L3MBTL4: variants seen among roughly 807,000 people sequenced by gnomAD.
The protein encoded by L3MBTL4 is L3MBTL histone methyl-lysine binding protein 4, also known as lethal(3)malignant brain tumor-like protein 4.
L3MBTL4 carries 70 observed loss-of-function variants against 84.5 expected under a neutral mutation model. That is an observed-to-expected ratio of 0.83 (90% CI 0.68 to 1.01). The LOEUF (loss-of-function observed/expected upper bound fraction) is 1.01, where lower values mean the gene tolerates loss of function less well. L3MBTL4 is among the 50% of genes least tolerant of loss of function. The pLI, the probability that L3MBTL4 is intolerant of heterozygous loss-of-function variation, is 0.00. For synonymous variants in L3MBTL4, 274 were observed against 259.8 expected, an observed-to-expected ratio of 1.05 and a Z score of -0.52; for missense variants, 715 against 754.8, an observed-to-expected ratio of 0.95 and a Z score of 0.62.
chr18:6,161,673 CT>C (rs2043343778), intron 13 of L3MBTL4, among the ~76,000 whole-genome samples: 1 of 152,182 alleles, frequency 6.6e-6, no homozygotes, highest in South Asian at 2.1e-4. Context: ...ATTTTCACCT[CT>C]AGAGAGGCTG....
intron 16 of L3MBTL4, among the ~76,000 whole-genome samples, chr18:5,986,008 T>G (rs2053447723): frequency 6.6e-6 from 1 of 152,146 alleles, no homozygotes; most frequent in South Asian, 2.1e-4. Context: ...TGAGCAAGAA[T>G]GCAGTCTTGG....
At chr18:6,150,097 A>T (rs527606748) in intron 13 of L3MBTL4, among the ~76,000 whole-genome samples, 1 of 152,324 alleles carries the variant, frequency 6.6e-6, no homozygotes, top group South Asian at 2.1e-4. Context: ...CTAAAAGAGA[A>T]ATTTAGTACA....
rs116502962 is a variant in L3MBTL4 at position 6,342,184 on chromosome 18, T to A, written c.-90-30128A>T. Reference sequence around the variant, plus strand: ...CACTAATTAGCAATGTGAAAACATATGAAAGTATAAACCTCACTGGTAAAG... The same window carrying A: ...CACTAATTAGCAATGTGAAAACATAAGAAAGTATAAACCTCACTGGTAAAG... On this transcript the variant is annotated intron_variant, in intron 1 of 18. Coordinates refer to ENST00000317931, the MANE Select transcript of L3MBTL4 (RefSeq NM_001330559.2). Among the ~76,000 whole-genome samples, 793 of 152,264 alleles carry A rather than the reference T, an allele frequency of 5.2e-3. 11 individuals carry two copies. The highest frequency in any genetic ancestry group is 0.018 in the African/African-American group (766 of 41,564).
chr18:6,106,942 GA>G (rs2059028264), intron 14 of L3MBTL4, among the ~76,000 whole-genome samples: 1 of 152,118 alleles, frequency 6.6e-6, no homozygotes. Context: ...TTGACCTGGG[GA>G]CTACAAAAAA....
chr18:6,296,179 T>A (rs2050103081), intron 4 of L3MBTL4, among the ~76,000 whole-genome samples: 1 of 152,204 alleles, frequency 6.6e-6, no homozygotes, highest in Non-Finnish European at 1.5e-5. Flanking sequence ...AGGATACTAT[T>A]CAAGGAGTCA....
chr18:5,962,937 G>A (rs1441889828), intron 17 of L3MBTL4, among the ~76,000 whole-genome samples: 1 of 152,238 alleles, frequency 6.6e-6, no homozygotes, highest in Non-Finnish European at 1.5e-5. Context: ...GTGCCAGTAG[G>A]AAAGTCCCCT....
chr18:6,209,445 C>CAAAAAAAAAAAAAAAAAAAAAAAA (rs60613997), intron 12 of L3MBTL4, among the ~76,000 whole-genome samples: 1 of 113,994 alleles, frequency 8.8e-6, no homozygotes, highest in African/African-American at 3.1e-5. Context: ...ACTAAACTGG[C>CAAAAAAAAAAAAAAAAAAAAAAAA]AAAAAAAAAA....
chr18:5,992,533 C>T (rs901984326), intron 16 of L3MBTL4, among the ~76,000 whole-genome samples: 1 of 152,150 alleles, frequency 6.6e-6, no homozygotes, highest in Non-Finnish European at 1.5e-5. Flanking sequence ...TGCCTGCCCC[C>T]ACCCAAATCT....
intron 12 of L3MBTL4, among the ~76,000 whole-genome samples, chr18:6,199,951 A>G (rs1257992977): frequency 6.6e-6 from 1 of 152,222 alleles, no homozygotes; most frequent in African/African-American, 2.4e-5. Context: ...TCCTACAGAA[A>G]GCTGTCAGGC....
intron 1 of L3MBTL4, among the ~76,000 whole-genome samples, chr18:6,393,299 G>A (rs186760830): frequency 4.1e-4 from 62 of 152,200 alleles, no homozygotes; most frequent in Admixed American, 7.8e-4. Context: ...GGAATTCAGC[G>A]GAAGTAAAGG....
intron 14 of L3MBTL4, among the ~76,000 whole-genome samples, chr18:6,137,697 A>G (rs2060066151): frequency 6.6e-6 from 1 of 152,382 alleles, no homozygotes. Context: ...TTTCTTCAAA[A>G]GCAACATCTG....
intron 16 of L3MBTL4, among the ~76,000 whole-genome samples, chr18:6,059,421 G>A (rs1308721383): frequency 6.6e-6 from 1 of 152,054 alleles, no homozygotes; most frequent in East Asian, 1.9e-4. Context: ...AAAATATTTT[G>A]TCAATAATGT....
chr18:6,003,777 T>C (rs2054334083), intron 16 of L3MBTL4, among the ~76,000 whole-genome samples: 1 of 152,066 alleles, frequency 6.6e-6, no homozygotes, highest in Admixed American at 6.5e-5. Context: ...CATTTTTAAA[T>C]AATCAATGGG....
chr18:6,201,261 G>T (rs796810697), intron 12 of L3MBTL4, among the ~76,000 whole-genome samples: 5 of 152,296 alleles, frequency 3.3e-5, no homozygotes, highest in African/African-American at 1.2e-4. Context: ...TTCTCCCACT[G>T]CAACAAGTAG....
intron 12 of L3MBTL4, among the ~76,000 whole-genome samples, chr18:6,192,994 G>A (rs749996736): frequency 2.6e-5 from 4 of 152,136 alleles, no homozygotes; most frequent in Non-Finnish European, 5.9e-5. Flanking sequence ...CGGATTAGAG[G>A]CCCTGAGGGC....
At chr18:6,093,717 A>G (rs2058536876) in intron 14 of L3MBTL4, among the ~76,000 whole-genome samples, 189 bp from the exon 15 acceptor site, 1 of 152,232 alleles carries the variant, frequency 6.6e-6, no homozygotes, top group South Asian at 2.1e-4. Flanking sequence ...CTAGAACCAC[A>G]GACACTGGTC....
intron 14 of L3MBTL4, among the ~76,000 whole-genome samples, chr18:6,137,266 A>G (rs2144625151): frequency 6.6e-6 from 1 of 152,240 alleles, no homozygotes; most frequent in Non-Finnish European, 1.5e-5. Context: ...TATGAATGCT[A>G]TATTTTTTTC....
intron 5 of L3MBTL4, among the ~76,000 whole-genome samples, chr18:6,262,485 G>A (rs1365608781): frequency 2.0e-5 from 3 of 152,104 alleles, no homozygotes; most frequent in Non-Finnish European, 4.4e-5. Flanking sequence ...AAGCAATGTG[G>A]GGAAACATGG....
intron 14 of L3MBTL4, among the ~76,000 whole-genome samples, chr18:6,131,523 A>C (rs1221079904): frequency 6.6e-6 from 1 of 150,762 alleles, no homozygotes; most frequent in African/African-American, 2.4e-5. Context: ...CAAGAGGAAA[A>C]AACCTTTTAT....
Sources: allele counts gnomAD v4.1 joint callset (sites outside exome capture counted in the v4.1 genomes callset), GRCh38; gene constraint gnomAD v4.1.1; transcripts MANE v1.5; gene names NCBI Gene and HGNC (gene_info 2026-07-23, HGNC 2026-07-21).